Variants in NSD1 observed in about 807,000 individuals in gnomAD.
NSD1 encodes the protein histone-lysine N-methyltransferase, H3 lysine-36 specific.
In NSD1, 26 loss-of-function variants were observed where a neutral mutation model predicts 242.7. The ratio of observed to expected loss-of-function variants is 0.11; its 90% CI spans 0.08 to 0.15. NSD1 has a LOEUF of 0.15. NSD1 is among the 10% of genes least tolerant of loss of function. The probability of loss-of-function intolerance (pLI) is 1.00; values close to 1 mark genes in which losing one functional copy is unlikely to be tolerated. For synonymous variants in NSD1, 1,106 were observed against 1,178.1 expected (o/e 0.94, Z 1.25); for missense variants, 2,495 against 3,272.8 (o/e 0.76, Z 5.80).
chr5:177,182,752 C>G (rs1760798339), intron 2 of NSD1, among the ~76,000 whole-genome samples: 1 of 152,162 alleles, frequency 6.6e-6, no homozygotes, highest in Admixed American at 6.6e-5. Context: ...ATTCTCCTGC[C>G]TCAGCCTACT....
chr5:177,209,560 G>C (rs1163395587), intron 4 of NSD1, 76 bp from the exon 5 acceptor site: 45 of 984,052 alleles, frequency 4.6e-5, no homozygotes, highest in Non-Finnish European at 6.4e-5. Context: ...AAAAAAAAAA[G>C]CTTCTGATTT....
At position 177,269,773 on chromosome 5, in the gene NSD1, G is replaced by A. The variant is rs1431093458; in HGVS notation, c.5475G>A (p.Lys1825=). 6.2e-7 allele frequency: 1 copy of A among 1,614,118 alleles called. No individual in the cohort carries two copies. The highest frequency in any genetic ancestry group is 1.7e-5 in the Admixed American group (1 of 60,024). The change falls in exon 16 of 23, where the codon AAG becomes AAA. Residue 1825 remains lysine, a synonymous_variant. Transcript: ENST00000439151. The surrounding 1 kb of genome is among the most constrained non-coding windows in gnomAD (Gnocchi z 5.1). ...AGGGTGACGTGAGCAGCAAGGATAAGATGGGCAAAGGAGTGGATGGGACAT... is the reference window on the plus strand; with the variant it reads ...AGGGTGACGTGAGCAGCAAGGATAAAATGGGCAAAGGAGTGGATGGGACAT... ...YMEGDVSSKD[K]MGKGVDGTYK...
intron 3 of NSD1, among the ~76,000 whole-genome samples, chr5:177,196,957 T>C (rs546626401): frequency 6.6e-6 from 1 of 152,316 alleles, no homozygotes; most frequent in South Asian, 2.1e-4. Flanking sequence ...ATACCTATTA[T>C]AAAGTATCAT....
chr5:177,177,762 C>T (rs891644300), intron 2 of NSD1, among the ~76,000 whole-genome samples: 2 of 152,130 alleles, frequency 1.3e-5, no homozygotes, highest in Admixed American at 6.5e-5. Context: ...TTTCTCTCTG[C>T]TCTGATTACT....
chr5:177,267,656 C>T lies in NSD1; in HGVS notation c.5241C>T (p.Asp1747=). 1 of 1,614,022 alleles carries T rather than the reference C, an allele frequency of 6.2e-7. No homozygotes were observed. The highest frequency in any genetic ancestry group is 8.5e-7 in the Non-Finnish European group (1 of 1,179,970). ...DIPEGNWYCN[D]CKAGKKPHYR... ...CTGAAGGAAACTGGTATTGCAATGA[C>T]TGTAAAGCAGGCAAAAAGCCACACT... Residue 1747 remains aspartate (D), a synonymous_variant, in exon 15 of 23, where the codon GAC becomes GAT. Coordinates refer to ENST00000439151, the MANE Select transcript of NSD1 (RefSeq NM_022455.5).
chr5:177,194,269 T>A (rs1044739697), intron 3 of NSD1, among the ~76,000 whole-genome samples: 1 of 152,078 alleles, frequency 6.6e-6, no homozygotes, highest in Non-Finnish European at 1.5e-5. Context: ...TGTATTTGTT[T>A]ATTTTTCTGA....
At chr5:177,197,804 C>G (rs932747965) in intron 3 of NSD1, among the ~76,000 whole-genome samples, 1 of 151,894 alleles carries the variant, frequency 6.6e-6, no homozygotes, top group African/African-American at 2.4e-5. Flanking sequence ...CTGAGTGTTG[C>G]CTAGAGAGCA....
At chr5:177,142,751 G>T (rs1399663312) in intron 2 of NSD1, among the ~76,000 whole-genome samples, 1 of 152,056 alleles carries the variant, frequency 6.6e-6, no homozygotes, top group African/African-American at 2.4e-5. Flanking sequence ...AGTCTATCCT[G>T]TGTAAAATTA....
rs2127279756 is a variant in NSD1, at chr5:177,294,044, G to A, written c.6676G>A (p.Val2226Ile). ...GATCCGTGAGTATGTGCCTCCCCCA[G>A]TACCGCTGCCTCCAGGGCCAAGCAC... The part of the protein sequence containing the change: ...GEIREYVPPP[V>I]PLPPGPSTHL... Residue 2226 changes from valine (V) to isoleucine (I), a missense_variant, in exon 23 of 23, where the codon GTA (valine) becomes ATA (isoleucine). Val to Ile is a conservative substitution (Grantham distance 29). This residue lies in a region of NSD1 where 475 missense variants were observed against 563.7 expected (regional missense o/e 0.84). Coordinates refer to ENST00000439151, the MANE Select transcript of NSD1 (RefSeq NM_022455.5). 1 of 1,614,048 alleles carries A rather than the reference G, an allele frequency of 6.2e-7. No homozygotes were observed. The highest frequency in any genetic ancestry group is 8.5e-7 in the Non-Finnish European group (1 of 1,180,020).
At chr5:177,283,742 A>T in intron 19 of NSD1, 45 bp from the exon 20 acceptor site, 1 of 1,605,982 alleles carries the variant, frequency 6.2e-7, no homozygotes, top group Non-Finnish European at 8.5e-7. Context: ...AATCCACAGC[A>T]GAGGTCTCAG....
intron 3 of NSD1, among the ~76,000 whole-genome samples, chr5:177,203,746 T>G (rs1346832870): frequency 6.6e-6 from 1 of 152,120 alleles, no homozygotes; most frequent in African/African-American, 2.4e-5. Context: ...TATATTTTTG[T>G]TGCTGTGGGC....
intron 12 of NSD1, 64 bp from the exon 13 acceptor site, chr5:177,256,887 C>T: frequency 1.4e-6 from 2 of 1,403,810 alleles, no homozygotes; most frequent in South Asian, 2.3e-5. Flanking sequence ...AACTTTTCAC[C>T]TAATGGTTTA....
intron 2 of NSD1, among the ~76,000 whole-genome samples, chr5:177,171,520 G>A (rs1039591145): frequency 6.6e-6 from 1 of 151,962 alleles, no homozygotes; most frequent in Non-Finnish European, 1.5e-5. Context: ...ATGTATCAGC[G>A]GCCACATAAT....
intron 2 of NSD1, among the ~76,000 whole-genome samples, chr5:177,174,586 C>G (rs987920471): frequency 5.3e-5 from 8 of 151,468 alleles, no homozygotes; most frequent in Non-Finnish European, 1.0e-4. Flanking sequence ...GACACGGAGT[C>G]TTGCTCTTGT....
intron 5 of NSD1, among the ~76,000 whole-genome samples, chr5:177,212,851 A>AG (rs1379284723): frequency 6.6e-6 from 1 of 152,102 alleles, no homozygotes; most frequent in Non-Finnish European, 1.5e-5. Context: ...CACGTTGGCC[A>AG]GGCTGGTCTT....
chr5:177,201,375 A>C (rs1689285500), intron 3 of NSD1, among the ~76,000 whole-genome samples: 1 of 151,904 alleles, frequency 6.6e-6, no homozygotes, highest in Non-Finnish European at 1.5e-5. Flanking sequence ...TCAAAGCTGT[A>C]ATGGCTAAGA....
intron 2 of NSD1, among the ~76,000 whole-genome samples, chr5:177,154,484 A>G (rs542867071): frequency 6.6e-6 from 1 of 152,192 alleles, no homozygotes; most frequent in African/African-American, 2.4e-5. Context: ...TTGAATAGAT[A>G]TATGATTAAA....
chr5:177,238,410 T>G lies in NSD1; in HGVS notation c.4095T>G (p.His1365Gln). Residue 1365 changes from histidine to glutamine, a missense_variant, in exon 7 of 23, where the codon CAT (histidine) becomes CAG (glutamine). Physicochemically the swap from His to Gln is conservative, Grantham distance 24. Coordinates refer to ENST00000439151, the MANE Select transcript of NSD1 (RefSeq NM_022455.5). This position sits in a 1 kb window ranked among gnomAD's most constrained non-coding sequence, Gnocchi z 4.6. ...PLAQSELGGG[H>Q]AELPQLTLSV... ...CTCAGTCAGAACTTGGAGGTGGACA[T>G]GCTGAGTTGCCGCAGCTGACCTTGT... 1 of 1,614,144 alleles carries G rather than the reference T, an allele frequency of 6.2e-7. No individual in the cohort carries two copies. Among genetic ancestry groups the G allele is most frequent in the South Asian group, 1.1e-5 (1 of 91,084 alleles).
At chr5:177,165,875 G>A (rs922237295) in intron 2 of NSD1, among the ~76,000 whole-genome samples, 4 of 151,500 alleles carry the variant, frequency 2.6e-5, no homozygotes, top group Non-Finnish European at 5.9e-5. Flanking sequence ...GAAGTGGTGG[G>A]ATTATGCGCA....
Sources: gnomAD v4.1 joint callset for allele counts (sites outside exome capture counted in the v4.1 genomes callset) on GRCh38, gnomAD v4.1.1 for gene constraint, gnomAD v4.1.1 regional missense constraint, Gnocchi (gnomAD v3.1) non-coding constraint, MANE v1.5 for transcripts, NCBI Gene and HGNC (gene_info 2026-07-23, HGNC 2026-07-21) for gene names.